The following GRIA2 variants were observed in gnomAD, a reference collection of about 807,000 sequenced individuals.
GRIA2 encodes glutamate receptor 2.
A neutral mutation model predicts 97.3 loss-of-function variants in GRIA2; 14 were observed. That is an observed-to-expected ratio of 0.14 (90% confidence interval 0.10 to 0.23). GRIA2 has a LOEUF of 0.23. GRIA2 is among the 10% of genes least tolerant of loss of function. The probability of loss-of-function intolerance (pLI) is 1.00; values close to 1 mark genes in which losing one functional copy is unlikely to be tolerated. For missense variants in GRIA2, 558 were observed against 1,069.8 expected (o/e 0.52, Z 6.67); for synonymous variants, 412 against 387.8 (o/e 1.06, Z -0.73).
intron 3 of GRIA2, among the ~76,000 whole-genome samples, chr4:157,306,798 T>G (rs1057433020): frequency 7.9e-5 from 12 of 152,214 alleles, no homozygotes; most frequent in African/African-American, 2.2e-4. Flanking sequence ...TTCATACATT[T>G]AGTGTGTGAA....
chr4:157,358,373 G>A (rs571289686), intron 12 of GRIA2, among the ~76,000 whole-genome samples: 1 of 152,224 alleles, frequency 6.6e-6, no homozygotes, highest in African/African-American at 2.4e-5. Context: ...TGGGGTCCTA[G>A]TAAAATTTTC....
At position 157,221,771 on chromosome 4, in the gene GRIA2, T is replaced by G; in HGVS notation, c.193T>G (p.Leu65Val). The G allele has an allele frequency of 6.2e-7, 1 of 1,613,930 alleles. No homozygotes were observed. ...CAGACTGACACCCCACATCGACAAT[T>G]TGGAGGTGGCAAACAGCTTCGCAGT... Reference protein sequence around the residue: ...EFRLTPHIDNLEVANSFAVTN... With the variant: ...EFRLTPHIDNVEVANSFAVTN... The change falls in exon 2 of 16, where the codon TTG becomes GTG. Residue 65 changes from leucine (L) to valine (V), a missense_variant. Leu to Val is a conservative substitution (Grantham distance 32, BLOSUM62 1). Coordinates refer to ENST00000264426, the MANE Select transcript of GRIA2 (RefSeq NM_001083619.3).
At chr4:157,296,237 T>C (rs2126848375) in intron 2 of GRIA2, among the ~76,000 whole-genome samples, 1 of 152,270 alleles carries the variant, frequency 6.6e-6, no homozygotes, top group Non-Finnish European at 1.5e-5. Context: ...ATTAACTACA[T>C]TTCATAGGTA....
At chr4:157,237,335 C>T (rs1321595939) in intron 2 of GRIA2, among the ~76,000 whole-genome samples, 2 of 151,384 alleles carry the variant, frequency 1.3e-5, no homozygotes, top group African/African-American at 4.9e-5. Context: ...CTGTCATCCA[C>T]CCAGGCTGGA....
chr4:157,343,642 G>A (rs1033165724), intron 12 of GRIA2, among the ~76,000 whole-genome samples: 19 of 152,006 alleles, frequency 1.2e-4, no homozygotes, highest in African/African-American at 2.2e-4. Flanking sequence ...TGTAGTGAGC[G>A]TCTCCTTATC....
At position 157,355,991 on chromosome 4, in the gene GRIA2, ATATATATT is replaced by A. The variant is rs1736323972; in HGVS notation, c.2044-3897_2044-3890del. On this transcript the variant is annotated intron_variant, in intron 12 of 15. Transcript: ENST00000264426. ...TATTAATATATATATTTATATATTT[ATATATATT>A]TATATATGTATTTATATATATTTAT... is the stretch of plus-strand genomic sequence containing the variant. Among the ~76,000 whole-genome samples the A allele has an allele frequency of 2.4e-5, 2 of 82,962 alleles. 1 individual carries two copies. The highest frequency in any genetic ancestry group is 8.5e-5 in the African/African-American group (2 of 23,552). The allele number at this position is 82,962 out of a possible 152,430, so 54.4% of individuals were successfully genotyped here.
At chr4:157,286,174 T>A (rs1732837865) in intron 2 of GRIA2, among the ~76,000 whole-genome samples, 1 of 151,582 alleles carries the variant, frequency 6.6e-6, no homozygotes, top group Non-Finnish European at 1.5e-5. Context: ...TTATCTCATT[T>A]TTACAGATGA....
chr4:157,229,363 A>G (rs1174971169), intron 2 of GRIA2, among the ~76,000 whole-genome samples: 1 of 152,186 alleles, frequency 6.6e-6, no homozygotes, highest in African/African-American at 2.4e-5. Context: ...ATTACTGGGA[A>G]AATCATCCAA....
At chr4:157,267,317 AG>A (rs1462817349) in intron 2 of GRIA2, among the ~76,000 whole-genome samples, 1 of 147,610 alleles carries the variant, frequency 6.8e-6, no homozygotes, top group African/African-American at 2.5e-5. Context: ...CCAGCTACTC[AG>A]GAGGCTGAGG....
At chr4:157,327,273 T>C (rs1205299793) in intron 6 of GRIA2, among the ~76,000 whole-genome samples, 1 of 152,018 alleles carries the variant, frequency 6.6e-6, no homozygotes, top group Admixed American at 6.6e-5. Context: ...ATTTGGAAAA[T>C]ATTGAATAAG....
chr4:157,333,935 C>T, intron 8 of GRIA2, 75 bp from the exon 9 acceptor site: 1 of 747,464 alleles, frequency 1.3e-6, no homozygotes, highest in Non-Finnish European at 2.4e-6. Flanking sequence ...TCAGACATGG[C>T]TTTGAAAATA....
intron 2 of GRIA2, among the ~76,000 whole-genome samples, chr4:157,252,996 C>T (rs1731081332): frequency 6.6e-6 from 1 of 151,986 alleles, no homozygotes; most frequent in Non-Finnish European, 1.5e-5. Flanking sequence ...CAGTGTTACT[C>T]TCCTAATTTT....
At chr4:157,272,018 A>G (rs1732050029) in intron 2 of GRIA2, among the ~76,000 whole-genome samples, 1 of 152,156 alleles carries the variant, frequency 6.6e-6, no homozygotes, top group South Asian at 2.1e-4. Flanking sequence ...AAACACGCAT[A>G]GATTAAGAAA....
chr4:157,320,468 G>A (rs373976884), intron 5 of GRIA2, among the ~76,000 whole-genome samples: 28 of 151,904 alleles, frequency 1.8e-4, no homozygotes, highest in Non-Finnish European at 2.2e-4. Context: ...ACATACCTAC[G>A]GTAAAACAGA....
At chr4:157,238,274 C>A (rs556456337) in intron 2 of GRIA2, among the ~76,000 whole-genome samples, 6 of 152,182 alleles carry the variant, frequency 3.9e-5, no homozygotes, top group Admixed American at 3.3e-4. Context: ...GTATTTTTGG[C>A]CAACCGTCAG....
At chr4:157,247,793 AT>A (rs1730797429) in intron 2 of GRIA2, among the ~76,000 whole-genome samples, 1 of 152,144 alleles carries the variant, frequency 6.6e-6, no homozygotes, top group South Asian at 2.1e-4. Flanking sequence ...AGGAAGGGAC[AT>A]GTGCAAGAAG....
intron 2 of GRIA2, among the ~76,000 whole-genome samples, chr4:157,297,328 T>C (rs950408949): frequency 2.0e-5 from 3 of 152,110 alleles, no homozygotes; most frequent in African/African-American, 4.8e-5. Flanking sequence ...ACTTGTCTTG[T>C]GGAATTGATG....
chr4:157,285,689 TA>T (rs988292866), intron 2 of GRIA2, among the ~76,000 whole-genome samples: 2 of 151,514 alleles, frequency 1.3e-5, no homozygotes, highest in African/African-American at 4.8e-5. Context: ...AAACATTTTT[TA>T]TATGTGGATT....
intron 2 of GRIA2, among the ~76,000 whole-genome samples, chr4:157,260,617 C>G (rs1034060929): frequency 6.6e-6 from 1 of 152,012 alleles, no homozygotes; most frequent in Non-Finnish European, 1.5e-5. Context: ...AGTAACCTGG[C>G]CACATCTAGA....
Sources: allele counts gnomAD v4.1 joint callset (sites outside exome capture counted in the v4.1 genomes callset), GRCh38; gene constraint gnomAD v4.1.1; transcripts MANE v1.5; gene names NCBI Gene and HGNC (gene_info 2026-07-23, HGNC 2026-07-21).